The following RAD51B variants were observed in gnomAD, a reference collection of about 807,000 sequenced individuals.
RAD51B encodes DNA repair protein RAD51 homolog 2.
In RAD51B, 38 loss-of-function variants were observed where a neutral mutation model predicts 42.2. That is an observed-to-expected ratio of 0.90 (90% CI 0.70 to 1.18). The LOEUF (loss-of-function observed/expected upper bound fraction) is 1.18, where lower values mean the gene tolerates loss of function less well. Among genes scored for constraint, RAD51B ranks in the 50% most tolerant of loss-of-function variants. RAD51B has a pLI of 0.00. For missense variants in RAD51B, 373 were observed against 400.7 expected, an observed-to-expected ratio of 0.93 and a Z score of 0.59; for synonymous variants, 154 against 145.2, an observed-to-expected ratio of 1.06 and a Z score of -0.43.
chr14:68,341,580 G>A (rs554100572), intron 8 of RAD51B, among the ~76,000 whole-genome samples: 132 of 142,516 alleles, frequency 9.3e-4, no homozygotes, highest in Non-Finnish European at 1.6e-3. Context: ...TGTCATCATC[G>A]TTTCTGCTGT....
intron 8 of RAD51B, among the ~76,000 whole-genome samples, chr14:68,333,670 T>A (rs1479268448): frequency 2.6e-5 from 4 of 152,238 alleles, no homozygotes; most frequent in Non-Finnish European, 5.9e-5. Context: ...ATAGATAACA[T>A]TGTACGTTAT....
intron 7 of RAD51B, among the ~76,000 whole-genome samples, chr14:68,205,488 A>G (rs943404572): frequency 6.6e-6 from 1 of 152,208 alleles, no homozygotes; most frequent in Non-Finnish European, 1.5e-5. Context: ...GACAAGTGCA[A>G]TGTTTCAACC....
intron 8 of RAD51B, chr14:68,306,715 T>A (rs2081873536): frequency 2.1e-6 from 1 of 484,184 alleles, no homozygotes; most frequent in Admixed American, 2.1e-5. Context: ...TGAAAACACA[T>A]GAGTTAGTAA....
intron 7 of RAD51B, among the ~76,000 whole-genome samples, chr14:67,947,503 A>G (rs530219155): frequency 1.3e-5 from 2 of 152,312 alleles, no homozygotes; most frequent in East Asian, 1.9e-4. Context: ...ATTTCATTAA[A>G]TATTTGTTGT....
chr14:68,362,174 A>G (rs2139915463), intron 8 of RAD51B, among the ~76,000 whole-genome samples: 1 of 152,340 alleles, frequency 6.6e-6, no homozygotes, highest in South Asian at 2.1e-4. Flanking sequence ...TAATACATAT[A>G]AAGGACCTCT....
At chr14:68,354,216 GT>G (rs3075406) in intron 8 of RAD51B, among the ~76,000 whole-genome samples, 45,261 of 109,448 alleles carry the variant, frequency 0.41, 7,417 homozygotes, top group East Asian at 0.53. Context: ...TGGTTTTTTG[GT>G]TTTTTTTTTT....
intron 10 of RAD51B, among the ~76,000 whole-genome samples, chr14:68,554,413 A>T (rs1888724785): frequency 6.6e-6 from 1 of 152,052 alleles, no homozygotes; most frequent in Non-Finnish European, 1.5e-5. Flanking sequence ...CAGACCTCAC[A>T]CAGTCCTCCT....
At chr14:68,362,731 C>T (rs1233468446) in intron 8 of RAD51B, among the ~76,000 whole-genome samples, 1 of 152,010 alleles carries the variant, frequency 6.6e-6, no homozygotes, top group Non-Finnish European at 1.5e-5. Flanking sequence ...CGCCTGTAGT[C>T]CCAGCTACTC....
chr14:68,251,186 T>C (rs1331601813), intron 7 of RAD51B, among the ~76,000 whole-genome samples: 1 of 151,118 alleles, frequency 6.6e-6, no homozygotes, highest in Non-Finnish European at 1.5e-5. Flanking sequence ...CTGTTGCACC[T>C]TTCAAGGAGG....
rs369658773 is a variant in RAD51B at position 68,359,882 on chromosome 14, G to GA, written c.854-51534dup. On this transcript the variant is annotated intron_variant, in intron 8 of 10. Transcript: ENST00000471583. ...TTTACTGAAAGAAGGAGAAAGAAAG[G>GA]AAAAAAAATTTGTCTACTTTGCCTT... 3.1e-3 allele frequency among the ~76,000 whole-genome samples: 469 copies of GA among 152,016 alleles called. 1 individual carries two copies. Among genetic ancestry groups the GA allele is most frequent in the African/African-American group, 0.011 (450 of 41,486 alleles).
intron 11 of RAD51B, among the ~76,000 whole-genome samples, chr14:68,681,251 G>C (rs947730146): frequency 6.6e-6 from 1 of 152,302 alleles, no homozygotes; most frequent in African/African-American, 2.4e-5. Flanking sequence ...AAAGATAGTT[G>C]CTAGGGTTTA....
At chr14:68,388,282 C>T (rs777444673) in intron 8 of RAD51B, among the ~76,000 whole-genome samples, 6 of 151,678 alleles carry the variant, frequency 4.0e-5, no homozygotes, top group Non-Finnish European at 5.9e-5. Flanking sequence ...TTACTACAGA[C>T]GGGGTTTCTT....
intron 10 of RAD51B, among the ~76,000 whole-genome samples, chr14:68,641,314 C>A (rs59978441): frequency 0.065 from 9,896 of 152,246 alleles, 426 homozygotes; most frequent in African/African-American, 0.11. Context: ...TTGTATCCTG[C>A]AACCCTACTA....
chr14:68,018,058 C>T (rs72725163), intron 7 of RAD51B, among the ~76,000 whole-genome samples: 17,275 of 152,192 alleles, frequency 0.11, 1,307 homozygotes, highest in Middle Eastern at 0.28. Flanking sequence ...AGCTGATTGT[C>T]CCTTTAAAAC....
At chr14:68,169,133 A>G (rs2078814477) in intron 7 of RAD51B, among the ~76,000 whole-genome samples, 1 of 152,150 alleles carries the variant, frequency 6.6e-6, no homozygotes, top group Non-Finnish European at 1.5e-5. Context: ...TTGCATAGTA[A>G]GCTCAATGAA....
chr14:67,869,552 C>T (rs2042449735), intron 5 of RAD51B, among the ~76,000 whole-genome samples: 1 of 152,164 alleles, frequency 6.6e-6, no homozygotes, highest in South Asian at 2.1e-4. Context: ...TCTAGCAAGG[C>T]AAGCCAACAT....
At chr14:67,922,351 A>G (rs900696795) in intron 7 of RAD51B, among the ~76,000 whole-genome samples, 2 of 152,102 alleles carry the variant, frequency 1.3e-5, no homozygotes, top group Non-Finnish European at 2.9e-5. Flanking sequence ...CTAGTTACTG[A>G]TTCTGGAAAA....
intron 10 of RAD51B, among the ~76,000 whole-genome samples, chr14:68,517,514 A>G (rs1443440019): frequency 2.0e-5 from 3 of 152,200 alleles, no homozygotes; most frequent in Non-Finnish European, 4.4e-5. Context: ...TATCAAAATT[A>G]TGAAAATAAT....
downstream of RAD51B, chr14:68,611,641 T>C (rs2140108289): frequency 3.0e-6 from 1 of 337,764 alleles, no homozygotes; most frequent in Admixed American, 4.5e-5. Context: ...TCCACCTATC[T>C]GCATGAGTGT....
Sources: gnomAD v4.1 joint callset for allele counts (sites outside exome capture counted in the v4.1 genomes callset) on GRCh38, gnomAD v4.1.1 for gene constraint, MANE v1.5 for transcripts, NCBI Gene and HGNC (gene_info 2026-07-23, HGNC 2026-07-21) for gene names.